Variants in DMC1 observed in about 807,000 individuals in gnomAD.
DMC1 encodes the protein meiotic recombination protein DMC1 homolog.
A neutral mutation model predicts 50.1 loss-of-function variants in DMC1; 27 were observed. The ratio of observed to expected loss-of-function variants is 0.54; its 90% CI spans 0.40 to 0.74. The LOEUF is 0.74. DMC1 is among the 30% of genes least tolerant of loss of function. DMC1 has a pLI of 0.00. For missense variants in DMC1, 295 were observed against 420.2 expected, an observed-to-expected ratio of 0.70 and a Z score of 2.60; for synonymous variants, 148 against 136.1, an observed-to-expected ratio of 1.09 and a Z score of -0.61.
chr22:38,562,239 G>A (rs1215731154), intron 5 of DMC1, 48 bp downstream of exon 5: 2 of 1,171,500 alleles, frequency 1.7e-6, no homozygotes, highest in Admixed American at 1.7e-5. Flanking sequence ...AAGAAACATG[G>A]TATTCCAAAG....
At position 38,521,717 on chromosome 22, in the gene DMC1, C is replaced by T; in HGVS notation, c.844G>A (p.Ala282Thr). The change falls in exon 13 of 14, where the codon GCA (alanine) becomes ACA (threonine). Residue 282 changes from alanine (A) to threonine (T), a missense_variant. Transcript: ENST00000216024. Reference sequence around the variant, plus strand: ...CCCCCAATGGGTTTTTTGGGATCTGCCTGAAAGCTGAATTAATAAAATACT... The same window carrying T: ...CCCCCAATGGGTTTTTTGGGATCTGTCTGAAAGCTGAATTAATAAAATACT... ...ADPGATMTFQ[A>T]DPKKPIGGHI... 1.9e-6 allele frequency: 3 copies of T among 1,608,846 alleles called. No homozygotes were observed. The highest frequency in any genetic ancestry group is 1.3e-5 in the African/African-American group (1 of 74,890).
chr22:38,563,242 C>A (rs1044068787), intron 4 of DMC1, among the ~76,000 whole-genome samples: 12 of 152,080 alleles, frequency 7.9e-5, no homozygotes, highest in Non-Finnish European at 2.9e-5. Context: ...TACTTATTGA[C>A]TGATTAAAAA....
chr22:38,567,524 G>C, intron 3 of DMC1, 59 bp downstream of exon 3: 1 of 1,369,070 alleles, frequency 7.3e-7, no homozygotes, highest in Non-Finnish European at 1.0e-6. Context: ...ATGTCCATAA[G>C]GTTGATGCTG....
chr22:38,549,846 G>A (rs1363026787), intron 8 of DMC1, 79 bp downstream of exon 8: 12 of 1,073,040 alleles, frequency 1.1e-5, no homozygotes, highest in Admixed American at 1.8e-5. Context: ...TACAAAGATT[G>A]TATATCTCAG....
At chr22:38,540,813 T>C (rs1204173804) in intron 8 of DMC1, among the ~76,000 whole-genome samples, 1 of 152,222 alleles carries the variant, frequency 6.6e-6, no homozygotes, top group African/African-American at 2.4e-5. Flanking sequence ...ATTTTCATCA[T>C]GTCGGTTTCT....
intron 13 of DMC1, 44 bp downstream of exon 13, chr22:38,521,564 C>G (rs1190180038): frequency 9.1e-7 from 1 of 1,101,582 alleles, no homozygotes; most frequent in African/African-American, 1.6e-5. Flanking sequence ...CACACACACA[C>G]ACACACACAC....
At chr22:38,512,642 C>T in the DMC1 span, among the ~76,000 whole-genome samples, 5 of 152,298 alleles carry the variant, frequency 3.3e-5, no homozygotes, top group South Asian at 4.2e-4. Context: ...CTGTCCCACC[C>T]GAGTGTTAAG....
intron 5 of DMC1, among the ~76,000 whole-genome samples, chr22:38,557,954 T>TTC (rs2090484476): frequency 7.3e-6 from 1 of 137,562 alleles, no homozygotes; most frequent in Admixed American, 7.3e-5. Flanking sequence ...TTAGACAAAG[T>TTC]TCTTTTTTTT....
chr22:38,547,382 CTT>C (rs1384829337), intron 8 of DMC1, among the ~76,000 whole-genome samples: 1 of 152,198 alleles, frequency 6.6e-6, no homozygotes, highest in Non-Finnish European at 1.5e-5. Context: ...AGATTCATCT[CTT>C]TGCCTCTAAT....
rs567358762 is a variant in DMC1 at position 38,523,321 on chromosome 22, T to C, written c.837-1597A>G. Among the ~76,000 whole-genome samples, 10 of 152,290 alleles carry C rather than the reference T, an allele frequency of 6.6e-5. No individual in the cohort carries two copies. In the South Asian group the frequency reaches 1.9e-3, roughly 28 times the overall value. On this transcript the variant is annotated intron_variant, in intron 12 of 13. Coordinates refer to ENST00000216024, the MANE Select transcript of DMC1 (RefSeq NM_007068.4). ...GATAAGTGAGTTGTCTCTATAATGCTTACAGATCGATGCCACTTAACTTTT... is the reference window on the plus strand; with the variant it reads ...GATAAGTGAGTTGTCTCTATAATGCCTACAGATCGATGCCACTTAACTTTT...
At chr22:38,556,418 A>T (rs148930019) in intron 5 of DMC1, among the ~76,000 whole-genome samples, 16 of 152,314 alleles carry the variant, frequency 1.1e-4, no homozygotes, top group Middle Eastern at 3.4e-3. Context: ...ACTGAAAAAC[A>T]TATGAAAAAC....
At chr22:38,525,175 C>A (rs111487055) in intron 12 of DMC1, among the ~76,000 whole-genome samples, 1 of 152,148 alleles carries the variant, frequency 6.6e-6, no homozygotes, top group Non-Finnish European at 1.5e-5. Context: ...GAAACTCCAG[C>A]GCCTGGAAAA....
chr22:38,560,816 G>T (rs1168880769), intron 5 of DMC1, among the ~76,000 whole-genome samples: 2 of 151,730 alleles, frequency 1.3e-5, no homozygotes, highest in African/African-American at 4.8e-5. Context: ...ATGAACTCAG[G>T]GTAAATCTTT....
chr22:38,510,643 C>T, the DMC1 span, among the ~76,000 whole-genome samples: 16 of 152,172 alleles, frequency 1.1e-4, no homozygotes, highest in African/African-American at 3.1e-4. Context: ...CCTTCCTCCC[C>T]GCAAAATCCC....
At chr22:38,520,871 T>A (rs1404021660) in intron 13 of DMC1, among the ~76,000 whole-genome samples, 1 of 149,492 alleles carries the variant, frequency 6.7e-6, no homozygotes, top group East Asian at 1.9e-4. Flanking sequence ...TCTTTTTTGT[T>A]TTTTGTTTTT....
intron 5 of DMC1, among the ~76,000 whole-genome samples, chr22:38,559,277 C>T (rs773670105): frequency 1.3e-5 from 2 of 152,112 alleles, no homozygotes; most frequent in African/African-American, 2.4e-5. Flanking sequence ...GTGATCCACC[C>T]GCCTCGGCCT....
At chr22:38,568,177 CTA>C (rs1389809698) in intron 2 of DMC1, 27 bp downstream of exon 2, 1 of 1,604,248 alleles carries the variant, frequency 6.2e-7, no homozygotes, top group Non-Finnish European at 8.5e-7. Context: ...GATCGAATGT[CTA>C]TATATCTTTC....
At position 38,533,219 on chromosome 22, in the gene DMC1, C is replaced by T. The variant is rs1354520156; in HGVS notation, c.836+4373G>A. ...CATCCTGGCTAACACGGTGAAACCC[C>T]GTCTCTACTAAAACACAAAAACAAA... On this transcript the variant is annotated intron_variant, in intron 12 of 13. Transcript: ENST00000216024. Among the ~76,000 whole-genome samples, 8 of 151,472 alleles carry T rather than the reference C, an allele frequency of 5.3e-5. No individual in the cohort carries two copies. In the South Asian group the frequency reaches 6.3e-4, roughly 12 times the overall value.
intron 8 of DMC1, among the ~76,000 whole-genome samples, chr22:38,540,699 G>A (rs1257267573): frequency 6.6e-6 from 1 of 152,146 alleles, no homozygotes; most frequent in Non-Finnish European, 1.5e-5. Context: ...CTTGTTGTTA[G>A]AGCTTTGGTG....
Sources: gnomAD v4.1 joint callset for allele counts (sites outside exome capture counted in the v4.1 genomes callset) on GRCh38, gnomAD v4.1.1 for gene constraint, MANE v1.5 for transcripts, NCBI Gene and HGNC (gene_info 2026-07-23, HGNC 2026-07-21) for gene names.